Variants in OTOG observed in about 807,000 individuals in gnomAD.
The protein encoded by OTOG is otogelin.
Under a neutral mutation model 313.8 loss-of-function variants are expected in OTOG, and 296 were observed. The ratio of observed to expected loss-of-function variants is 0.94; its 90% CI spans 0.86 to 1.04. The LOEUF is 1.04. OTOG is among the 50% of genes least tolerant of loss of function. OTOG has a pLI of 0.00. For missense variants in OTOG, 3,948 were observed against 3,840.1 expected (o/e 1.03, Z -0.74); for synonymous variants, 1,533 against 1,554.9 (o/e 0.99, Z 0.33).
chr11:17,589,186 C>T (rs1035311601), intron 24 of OTOG, among the ~76,000 whole-genome samples: 4 of 152,144 alleles, frequency 2.6e-5, no homozygotes, highest in Admixed American at 6.5e-5. Context: ...TTCCAGCTCT[C>T]GTTTTAAATT....
Position 17,610,715 on chromosome 11 carries a change from C to T in OTOG, c.5415C>T (p.Asp1805=), listed in dbSNP as rs1428736362. ...PSQLLSGLPP[D]TSLPLAKVGT... ...AGCTCCTCTCTGGCCTGCCTCCCGA[C>T]ACCAGCCTGCCCCTGGCCAAGGTGG... Residue 1805 remains aspartate (D), a synonymous_variant, in exon 36 of 56, where the codon GAC becomes GAT. Coordinates refer to ENST00000399397, the MANE Select transcript of OTOG (RefSeq NM_001292063.2). 1 of 1,550,300 alleles carries T rather than the reference C, an allele frequency of 6.5e-7. No individual in the cohort carries two copies. Among genetic ancestry groups the T allele is most frequent in the South Asian group, 1.2e-5 (1 of 84,066 alleles).
chr11:17,572,999 G>T (rs749628684), intron 18 of OTOG, 79 bp from the exon 19 acceptor site: 385 of 1,318,722 alleles, frequency 2.9e-4, no homozygotes, highest in Non-Finnish European at 3.7e-4. Context: ...CTGAGCCATG[G>T]GGAGGGAGAG....
chr11:17,636,746 T>C (rs1191893814), intron 47 of OTOG, among the ~76,000 whole-genome samples: 1 of 152,014 alleles, frequency 6.6e-6, no homozygotes, highest in East Asian at 1.9e-4. Context: ...TTTCCATGTT[T>C]CTCGGGGGGC....
chr11:17,593,227 A>G lies in OTOG; in HGVS notation c.3041A>G (p.Glu1014Gly). The G allele has an allele frequency of 6.5e-7, 1 of 1,550,214 alleles. No homozygotes were observed. The highest frequency in any genetic ancestry group is 2.4e-5 in the East Asian group (1 of 40,924). Residue 1014 changes from glutamate (E) to glycine (G), a missense_variant, in exon 26 of 56, where the codon GAG becomes GGG. By Grantham distance (98) the Glu-to-Gly change is moderately conservative. Coordinates refer to ENST00000399397, the MANE Select transcript of OTOG (RefSeq NM_001292063.2). ...TSDVSFSVIV[E>G]NVNCYSSGMI... The stretch of plus-strand genomic sequence containing the variant: ...GATGTCAGCTTCTCTGTGATTGTAG[A>G]GAATGTGAACTGCTACAGCTCTGGC...
Position 17,606,024 on chromosome 11 carries a change from G to T in OTOG, c.4045G>T (p.Glu1349Ter). Residue 1349 changes from glutamate (E) to a stop codon, truncating the protein, a stop_gained, in exon 33 of 56, where the codon GAG (glutamate) becomes TAG (stop). Coordinates refer to ENST00000399397, the MANE Select transcript of OTOG (RefSeq NM_001292063.2). LOFTEE classifies it high-confidence loss of function. ...ACGGCAGGCAGGCCTGGTGGCCCTGGAGTCCCTGGCCAAGCCCAGCTCCTT... is the reference window on the plus strand; with the variant it reads ...ACGGCAGGCAGGCCTGGTGGCCCTGTAGTCCCTGGCCAAGCCCAGCTCCTT... ...GTRQAGLVAL[E>*]SLAKPSSFLY... The T allele has an allele frequency of 1.3e-6, 2 of 1,550,542 alleles. No homozygotes were observed. The highest frequency in any genetic ancestry group is 1.7e-6 in the Non-Finnish European group (2 of 1,146,996).
At chr11:17,559,818 G>A (rs1231267452) in intron 12 of OTOG, among the ~76,000 whole-genome samples, 156 bp downstream of exon 12, 3 of 148,258 alleles carry the variant, frequency 2.0e-5, no homozygotes, top group African/African-American at 7.5e-5. Context: ...AAAGAAGGAA[G>A]GGAAGAAGGA....
rs1051708966 is a variant in OTOG, at chr11:17,559,081, G to T, written c.1133G>T (p.Arg378Leu). 22 of 1,547,338 alleles carry T rather than the reference G, an allele frequency of 1.4e-5. No homozygotes were observed. The highest frequency in any genetic ancestry group is 2.0e-5 in the Admixed American group (1 of 50,990). ...QSMGDVATWC[R>L]ALAEYARACA... is the part of the protein sequence containing the mutation. ...ATGGGTGATGTAGCCACCTGGTGCC[G>T]GGCACTGGCGGAGTATGCCCGGGCG... The change falls in exon 11 of 56, where the codon CGG (arginine) becomes CTG (leucine). Residue 378 changes from arginine (R) to leucine (L), a missense_variant. Coordinates refer to ENST00000399397, the MANE Select transcript of OTOG (RefSeq NM_001292063.2).
At chr11:17,571,603 C>T (rs2134024578) in intron 17 of OTOG, among the ~76,000 whole-genome samples, 1 of 152,278 alleles carries the variant, frequency 6.6e-6, no homozygotes, top group Middle Eastern at 3.4e-3. Flanking sequence ...AAGTCTTACC[C>T]CCATGGTGTT....
chr11:17,597,727 A>G (rs1853149016), intron 30 of OTOG, among the ~76,000 whole-genome samples: 2 of 152,192 alleles, frequency 1.3e-5, no homozygotes, highest in Admixed American at 1.3e-4. Context: ...TTCATTGATT[A>G]TTTTTTATTT....
intron 40 of OTOG, 62 bp downstream of exon 40, chr11:17,629,378 A>G (rs1405198811): frequency 3.4e-6 from 5 of 1,466,626 alleles, no homozygotes; most frequent in East Asian, 2.5e-5. Context: ...GCCCCCACAC[A>G]TAATTCCTCC....
At chr11:17,573,904 T>C (rs1215809943) in intron 19 of OTOG, among the ~76,000 whole-genome samples, 2 of 152,236 alleles carry the variant, frequency 1.3e-5, no homozygotes, top group Admixed American at 1.3e-4. Flanking sequence ...AGGGCCCTGA[T>C]TCTCTCTGAG....
Position 17,567,525 on chromosome 11 carries a change from T to C in OTOG, c.1645-1631T>C, listed in dbSNP as rs143759709. Among the ~76,000 whole-genome samples, 526 of 152,364 alleles carry C rather than the reference T, an allele frequency of 3.5e-3. 2 individuals carry two copies. The highest frequency in any genetic ancestry group is 0.012 in the East Asian group (60 of 5,188). ...AAAAATTATTTTTATTTTTTATTTT[T>C]GTAGAGACAGGGTCTCTGTATGTTG... On this transcript the variant is annotated intron_variant, in intron 15 of 55. Coordinates refer to ENST00000399397, the MANE Select transcript of OTOG (RefSeq NM_001292063.2).
Position 17,553,196 on chromosome 11 carries a change from C to T in OTOG, c.370C>T (p.Pro124Ser). The T allele has an allele frequency of 1.3e-6, 2 of 1,550,462 alleles. No individual in the cohort carries two copies. Among genetic ancestry groups the T allele is most frequent in the Non-Finnish European group, 1.7e-6 (2 of 1,146,964 alleles). ...CDCRRFNATG[P>S]RCQMVYNAGP... ...CTGCAGACGCTTCAATGCCACTGGA[C>T]CGCGCTGCCAGATGGGTGGGTCTGG... The change falls in exon 5 of 56, where the codon CCG becomes TCG. Residue 124 changes from proline (P) to serine (S), a missense_variant. Transcript: ENST00000399397.
At chr11:17,587,398 G>A (rs1263784763) in intron 24 of OTOG, among the ~76,000 whole-genome samples, 1 of 152,198 alleles carries the variant, frequency 6.6e-6, no homozygotes. Context: ...TGATGCTGGA[G>A]AGCAAACCCA....
chr11:17,609,752 G>A lies in OTOG; in HGVS notation c.4452G>A (p.Gln1484=), dbSNP rs1342757538. 4 of 1,548,782 alleles carry A rather than the reference G, an allele frequency of 2.6e-6. No homozygotes were observed. Among genetic ancestry groups the A allele is most frequent in the Non-Finnish European group, 3.5e-6 (4 of 1,146,074 alleles). ...CCACTCCCAGTGATGAGGAGCCACA[G>A]CTGTCACAGGAAAGCCCCAGGACCC... ...GLPTPSDEEP[Q]LSQESPRTPT... Residue 1484 remains glutamine, a synonymous_variant, in exon 36 of 56, where the codon CAG becomes CAA. Transcript: ENST00000399397.
chr11:17,565,191 G>A (rs1023997120), intron 15 of OTOG, among the ~76,000 whole-genome samples: 16 of 151,990 alleles, frequency 1.1e-4, no homozygotes, highest in Admixed American at 5.9e-4. Flanking sequence ...GTCTCCTTAG[G>A]CCCTTCATGG....
At chr11:17,555,467 G>C (rs188008229) in intron 6 of OTOG, among the ~76,000 whole-genome samples, 1 of 152,252 alleles carries the variant, frequency 6.6e-6, no homozygotes, top group East Asian at 1.9e-4. Context: ...GTAGGATAAA[G>C]AGAAAAGTTC....
At chr11:17,627,374 G>T (rs1590052506) in intron 39 of OTOG, among the ~76,000 whole-genome samples, 1 of 152,020 alleles carries the variant, frequency 6.6e-6, no homozygotes, top group Admixed American at 6.5e-5. Context: ...CATTTGAAAT[G>T]ATCATATGGT....
At chr11:17,576,725 A>G (rs1852536237) in intron 21 of OTOG, 95 bp downstream of exon 21, 2 of 1,445,866 alleles carry the variant, frequency 1.4e-6, no homozygotes, top group South Asian at 1.2e-5. Flanking sequence ...GTGAAGGGAC[A>G]CCCAGCCCTG....
Sources: allele counts gnomAD v4.1 joint callset (sites outside exome capture counted in the v4.1 genomes callset), GRCh38; gene constraint gnomAD v4.1.1; transcripts MANE v1.5; gene names NCBI Gene and HGNC (gene_info 2026-07-23, HGNC 2026-07-21).